STK33: variants seen among roughly 807,000 people sequenced by gnomAD.
STK33 encodes serine/threonine kinase 33, also known as serine/threonine-protein kinase 33.
Under a neutral mutation model 58.0 loss-of-function variants are expected in STK33, and 52 were observed. The ratio of observed to expected loss-of-function variants is 0.90; its 90% CI spans 0.72 to 1.13. The LOEUF (loss-of-function observed/expected upper bound fraction) is 1.13, where lower values mean the gene tolerates loss of function less well. Ranked by LOEUF, STK33 falls within the 50% of genes most tolerant of loss-of-function variation. The pLI, the probability that STK33 is intolerant of heterozygous loss-of-function variation, is 0.00. For missense variants in STK33, 630 were observed against 604.2 expected, an observed-to-expected ratio of 1.04 and a Z score of -0.45; for synonymous variants, 215 against 200.1, an observed-to-expected ratio of 1.07 and a Z score of -0.63.
chr11:8,454,898 G>T (rs1278451220), intron 9 of STK33, 66 bp from the exon 10 acceptor site: 2 of 1,389,332 alleles, frequency 1.4e-6, no homozygotes, highest in Non-Finnish European at 1.9e-6. Context: ...GACACATATA[G>T]ATTAAATATA....
intron 1 of STK33, among the ~76,000 whole-genome samples, chr11:8,534,543 T>TCC (rs1954814812): frequency 8.3e-6 from 1 of 120,826 alleles, no homozygotes; most frequent in African/African-American, 3.8e-5. Flanking sequence ...TCTCTCTCTC[T>TCC]CTCTCTCTCT....
At chr11:8,406,129 C>A (rs886940320) in intron 15 of STK33, among the ~76,000 whole-genome samples, 2 of 120,380 alleles carry the variant, frequency 1.7e-5, no homozygotes, top group Non-Finnish European at 3.2e-5. Context: ...GGTGACAGAG[C>A]GAGACTCCGT....
chr11:8,436,210 C>A, intron 12 of STK33, 71 bp from the exon 13 acceptor site: 1 of 881,038 alleles, frequency 1.1e-6, no homozygotes, highest in Non-Finnish European at 1.6e-6. Flanking sequence ...ATTAAGTTTC[C>A]ATAGGACTTG....
chr11:8,553,233 TATATATATG>T (rs932826946), intron 1 of STK33, among the ~76,000 whole-genome samples: 5 of 98,476 alleles, frequency 5.1e-5, no homozygotes, highest in South Asian at 7.7e-4. Context: ...ATGGTGTGTA[TATATATATG>T]ATATATATGA....
At chr11:8,493,490 G>A (rs762137757) in intron 1 of STK33, among the ~76,000 whole-genome samples, 12 of 152,056 alleles carry the variant, frequency 7.9e-5, no homozygotes, top group Admixed American at 2.6e-4. Flanking sequence ...AGGACCAGAC[G>A]GATTCACAGT....
intron 15 of STK33, among the ~76,000 whole-genome samples, chr11:8,401,782 A>C (rs1427747080): frequency 3.3e-5 from 5 of 152,132 alleles, no homozygotes; most frequent in Non-Finnish European, 5.9e-5. Flanking sequence ...AAGAAAAAAC[A>C]ACCCCATCAA....
downstream of STK33, among the ~76,000 whole-genome samples, chr11:8,387,228 G>C (rs1044949754): frequency 6.6e-6 from 1 of 152,204 alleles, no homozygotes; most frequent in Non-Finnish European, 1.5e-5. Context: ...GCTGGAGACA[G>C]AGGTGTTTGT....
intron 1 of STK33, among the ~76,000 whole-genome samples, chr11:8,554,693 T>A (rs1024239504): frequency 3.3e-5 from 5 of 152,142 alleles, no homozygotes; most frequent in African/African-American, 1.2e-4. Context: ...AAAAACGGTA[T>A]GGAGATTCCT....
At chr11:8,473,713 A>G (rs968721956) in intron 5 of STK33, among the ~76,000 whole-genome samples, 1 of 152,222 alleles carries the variant, frequency 6.6e-6, no homozygotes, top group African/African-American at 2.4e-5. Context: ...ATACATCCAT[A>G]TGGCAGTAAC....
chr11:8,446,499 C>T lies in STK33; in HGVS notation c.872-5746G>A, dbSNP rs148703964. ...CGATTTTAGATCTTCCCCACTTTCT[C>T]CTATAGCCAAGACAATCCTAAGCAA... On this transcript the variant is annotated intron_variant, in intron 11 of 15. Coordinates refer to ENST00000687296, the MANE Select transcript of STK33 (RefSeq NM_001352389.2). Among the ~76,000 whole-genome samples the T allele has an allele frequency of 7.2e-5, 11 of 152,046 alleles. 1 individual carries two copies. Among genetic ancestry groups the T allele is most frequent in the African/African-American group, 2.7e-4 (11 of 41,490 alleles).
the STK33 span, among the ~76,000 whole-genome samples, chr11:8,354,511 CA>C: frequency 8.3e-5 from 12 of 143,792 alleles, no homozygotes; most frequent in Admixed American, 2.1e-4. Context: ...CACACACACA[CA>C]CACACCCCTC....
chr11:8,439,861 T>TA (rs1319498057), intron 12 of STK33, among the ~76,000 whole-genome samples: 5 of 71,934 alleles, frequency 7.0e-5, no homozygotes, highest in South Asian at 1.3e-3. Context: ...ATATATATTA[T>TA]ATTATAATTA....
At chr11:8,427,131 A>G (rs956244276) in intron 14 of STK33, among the ~76,000 whole-genome samples, 8 of 151,316 alleles carry the variant, frequency 5.3e-5, no homozygotes, top group African/African-American at 1.7e-4. Context: ...CCTCCTCTGT[A>G]AGTACTTCTA....
At chr11:8,346,497 G>A in the STK33 span, among the ~76,000 whole-genome samples, 3 of 152,190 alleles carry the variant, frequency 2.0e-5, no homozygotes, top group African/African-American at 7.2e-5. Flanking sequence ...CCGGGTTTCT[G>A]GCATGGGCAC....
chr11:8,421,674 A>T (rs1941942882), intron 14 of STK33, among the ~76,000 whole-genome samples: 1 of 152,168 alleles, frequency 6.6e-6, no homozygotes, highest in East Asian at 1.9e-4. Flanking sequence ...GGAAAAATTA[A>T]TTTTTGATAT....
intron 11 of STK33, among the ~76,000 whole-genome samples, chr11:8,441,825 T>C (rs1944782210): frequency 6.6e-6 from 1 of 152,210 alleles, no homozygotes; most frequent in South Asian, 2.1e-4. Flanking sequence ...TACTTTTGCA[T>C]AAATTGTTAT....
chr11:8,422,937 C>T (rs1459517263), intron 14 of STK33, among the ~76,000 whole-genome samples: 1 of 151,436 alleles, frequency 6.6e-6, no homozygotes, highest in East Asian at 2.0e-4. Context: ...GTAATCCTCC[C>T]ACCTCAGCCT....
chr11:8,480,368 G>A (rs1165692800), intron 2 of STK33, 42 bp downstream of exon 2: 2 of 152,188 alleles, frequency 1.3e-5, no homozygotes, highest in East Asian at 3.8e-4. Flanking sequence ...CATCTGAGAT[G>A]TAGCAGACAT....
chr11:8,477,370 T>C (rs1017887765), intron 2 of STK33, 87 bp from the exon 3 acceptor site: 10 of 152,092 alleles, frequency 6.6e-5, no homozygotes, highest in South Asian at 4.2e-4. Flanking sequence ...CTGCAAATGA[T>C]AGGCTTTCTG....
Sources: gnomAD v4.1 joint callset for allele counts (sites outside exome capture counted in the v4.1 genomes callset) on GRCh38, gnomAD v4.1.1 for gene constraint, MANE v1.5 for transcripts, NCBI Gene and HGNC (gene_info 2026-07-23, HGNC 2026-07-21) for gene names.